CXCL17: variants seen among roughly 807,000 people sequenced by gnomAD.
CXCL17 encodes C-X-C motif chemokine 17.
Under a neutral mutation model 15.5 loss-of-function variants are expected in CXCL17, and 9 were observed. The ratio of observed to expected loss-of-function variants is 0.58; its 90% confidence interval spans 0.35 to 1.01. CXCL17 has a LOEUF of 1.01. Ranked by LOEUF, CXCL17 falls within the 50% of genes least tolerant of loss-of-function variation. CXCL17 has a pLI of 0.02. For synonymous variants in CXCL17, 52 were observed against 52.3 expected (o/e 0.99, Z 0.02); for missense variants, 133 against 138.2 (o/e 0.96, Z 0.19).
At chr19:42,430,311 T>C (rs1416834309) in intron 3 of CXCL17, among the ~76,000 whole-genome samples, 2 of 152,078 alleles carry the variant, frequency 1.3e-5, no homozygotes, top group Non-Finnish European at 2.9e-5. Flanking sequence ...AATAGAATAT[T>C]GTGTCCGGGC....
rs2040742802 is a variant in CXCL17, at chr19:42,428,738, G to A, written c.*146C>T. The A allele has an allele frequency of 1.4e-6, 1 of 698,906 alleles. No homozygotes were observed. The highest frequency in any genetic ancestry group is 2.1e-5 in the Admixed American group (1 of 46,582). The allele number at this position is 698,906 out of a possible 1,614,324, so 43.3% of individuals were successfully genotyped here. ...AGAGAGCAACAAACAAAATGATCTT[G>A]AAAAACATGCTTTTTGAGAGCACTG... On this transcript the variant is annotated 3_prime_UTR_variant, in exon 4 of 4. Transcript: ENST00000601181.
At chr19:42,433,139 A>G (rs753405223) in intron 2 of CXCL17, 62 bp from the exon 3 acceptor site, 1 of 1,215,092 alleles carries the variant, frequency 8.2e-7, no homozygotes, top group East Asian at 2.3e-5. Context: ...AGGGAGTAGG[A>G]CAGAGCTTTA....
At chr19:42,437,775 GT>G (rs1236383205) in intron 1 of CXCL17, among the ~76,000 whole-genome samples, 3 of 152,056 alleles carry the variant, frequency 2.0e-5, no homozygotes, top group Non-Finnish European at 4.4e-5. Flanking sequence ...AGGATTTGTG[GT>G]GCATCTGTCA....
chr19:42,441,730 G>T (rs1476320801), intron 1 of CXCL17, among the ~76,000 whole-genome samples: 1 of 152,188 alleles, frequency 6.6e-6, no homozygotes, highest in Non-Finnish European at 1.5e-5. Context: ...GGCCTTTGGG[G>T]AGATGGTGCT....
chr19:42,442,621 G>T, intron 1 of CXCL17, 133 bp downstream of exon 1: 1 of 624,786 alleles, frequency 1.6e-6, no homozygotes, highest in Non-Finnish European at 2.9e-6. Context: ...TTTTGTAAAG[G>T]AGGAAACTGG....
chr19:42,432,119 C>A (rs1218569133), intron 3 of CXCL17, among the ~76,000 whole-genome samples: 1 of 146,696 alleles, frequency 6.8e-6, no homozygotes, highest in Non-Finnish European at 1.5e-5. Context: ...TAATATCAAT[C>A]AGTTTAACAT....
Position 42,437,808 on chromosome 19 carries a change from A to G in CXCL17, c.80-3952T>C, listed in dbSNP as rs1040553444. Among the ~76,000 whole-genome samples the G allele has an allele frequency of 2.0e-5, 3 of 152,094 alleles. No homozygotes were observed. The South Asian group carries it at 6.2e-4, about 32-fold the overall frequency. On this transcript the variant is annotated intron_variant, in intron 1 of 3. Transcript: ENST00000601181. ...GTCATTATTTTCACTTCCCAGATCC[A>G]CTACATATTTGCTTTGTGATTTTGG...
At chr19:42,430,534 C>T (rs1438475730) in intron 3 of CXCL17, among the ~76,000 whole-genome samples, 1 of 147,848 alleles carries the variant, frequency 6.8e-6, no homozygotes, top group Non-Finnish European at 1.5e-5. Context: ...GCGGAGGTTG[C>T]AGTGAGCCGA....
At chr19:42,434,163 G>C (rs1255962779) in intron 1 of CXCL17, among the ~76,000 whole-genome samples, 1 of 151,870 alleles carries the variant, frequency 6.6e-6, no homozygotes, top group African/African-American at 2.4e-5. Flanking sequence ...AAGGGATTGA[G>C]GTTTAAAATC....
intron 1 of CXCL17, among the ~76,000 whole-genome samples, chr19:42,438,946 C>T (rs1184754572): frequency 1.3e-5 from 2 of 151,978 alleles, no homozygotes; most frequent in African/African-American, 4.8e-5. Context: ...AAATAAATAA[C>T]TGAACAAATA....
intron 1 of CXCL17, among the ~76,000 whole-genome samples, chr19:42,438,381 A>AAAAAAAATATATAT: frequency 1.6e-5 from 1 of 63,850 alleles, no homozygotes; most frequent in Admixed American, 2.8e-4. Flanking sequence ...AAAAAAAAAA[A>AAAAAAAATATATAT]ATATATATAT....
rs8103049 is a variant in CXCL17 at position 42,435,133 on chromosome 19, C to T, written c.80-1277G>A. Among the ~76,000 whole-genome samples the T allele has an allele frequency of 2.0e-5, 3 of 150,770 alleles. No homozygotes were observed. The East Asian group carries it at 5.9e-4, about 30-fold the overall frequency. On this transcript the variant is annotated intron_variant, in intron 1 of 3. Transcript: ENST00000601181. ...GGCGGAAGTTGCAGTGAGCTGAGATCGTACCATTGTACTCCATCCTGGGCG... is the reference window on the plus strand; with the variant it reads ...GGCGGAAGTTGCAGTGAGCTGAGATTGTACCATTGTACTCCATCCTGGGCG...
At position 42,433,833 on chromosome 19, in the gene CXCL17, G is replaced by C. The variant is rs2040807965; in HGVS notation, c.103C>G (p.Arg35Gly). The stretch of plus-strand genomic sequence containing the variant: ...AGCCATCTCCTAGAAGCCTGGCCTC[G>C]GTCCCTGTGGCCTCTGGCGACCCCT... ...NPGVARGHRD[R>G]GQASRRWLQE... The change falls in exon 2 of 4, where the codon CGA (arginine) becomes GGA (glycine). Residue 35 changes from arginine to glycine, a missense_variant. Arg to Gly is a moderately radical substitution (Grantham distance 125). Coordinates refer to ENST00000601181, the MANE Select transcript of CXCL17 (RefSeq NM_198477.3). 1.2e-6 allele frequency: 2 copies of C among 1,613,892 alleles called. No homozygotes were observed. The highest frequency in any genetic ancestry group is 1.7e-6 in the Non-Finnish European group (2 of 1,179,960).
chr19:42,432,859 G>A, intron 3 of CXCL17, 117 bp downstream of exon 3: 5 of 755,756 alleles, frequency 6.6e-6, no homozygotes, highest in Non-Finnish European at 1.2e-5. Context: ...AAAGGGCTGA[G>A]TTGTGTGCTT....
At chr19:42,438,708 A>G (rs2040862364) in intron 1 of CXCL17, among the ~76,000 whole-genome samples, 1 of 152,090 alleles carries the variant, frequency 6.6e-6, no homozygotes, top group Non-Finnish European at 1.5e-5. Flanking sequence ...CTTCCAGGAA[A>G]AATAGCTGAT....
chr19:42,441,313 G>A (rs2040890006), intron 1 of CXCL17, among the ~76,000 whole-genome samples: 1 of 152,178 alleles, frequency 6.6e-6, no homozygotes, highest in Admixed American at 6.5e-5. Flanking sequence ...TCTGGCTGTG[G>A]GAGGAACTGA....
chr19:42,431,668 T>C (rs2040782721), intron 3 of CXCL17, among the ~76,000 whole-genome samples: 1 of 150,504 alleles, frequency 6.6e-6, no homozygotes, highest in African/African-American at 2.4e-5. Flanking sequence ...CATAATGATT[T>C]ATCTCATTAT....
chr19:42,438,354 CAAAAAAAAAAAA>C (rs34157586), intron 1 of CXCL17, among the ~76,000 whole-genome samples: 1 of 17,456 alleles, frequency 5.7e-5, no homozygotes, highest in Non-Finnish European at 8.0e-5. Flanking sequence ...GACTCTGTCT[CAAAAAAAAAAAA>C]AAAAAAAAAA....
intron 1 of CXCL17, among the ~76,000 whole-genome samples, chr19:42,438,408 A>AC (rs1568622710): frequency 7.5e-4 from 68 of 90,174 alleles, no homozygotes; most frequent in African/African-American, 2.8e-3. Context: ...ATATATATAA[A>AC]ATACACACAC....
Sources: gnomAD v4.1 joint callset for allele counts (sites outside exome capture counted in the v4.1 genomes callset) on GRCh38, gnomAD v4.1.1 for gene constraint, MANE v1.5 for transcripts, NCBI Gene and HGNC (gene_info 2026-07-23, HGNC 2026-07-21) for gene names.